Variants in LCORL observed in about 807,000 individuals in gnomAD.
LCORL encodes ligand-dependent nuclear receptor corepressor-like protein.
In LCORL, 41 loss-of-function variants were observed where a neutral mutation model predicts 141.8. The ratio of observed to expected loss-of-function variants is 0.29; its 90% CI spans 0.23 to 0.38. The LOEUF is 0.38. LCORL is among the 10% of genes least tolerant of loss of function. The pLI is 1.00. For synonymous variants in LCORL, 618 were observed against 694.1 expected, an observed-to-expected ratio of 0.89 and a Z score of 1.72; for missense variants, 1,759 against 2,035.0, an observed-to-expected ratio of 0.86 and a Z score of 2.61.
At chr4:17,963,640 G>A (rs1358387266) in intron 2 of LCORL, among the ~76,000 whole-genome samples, 1 of 138,614 alleles carries the variant, frequency 7.2e-6, no homozygotes, top group Non-Finnish European at 1.5e-5. Flanking sequence ...ATAAAACATA[G>A]ATTTTTTTTT....
chr4:17,864,908 G>T (rs184336242), intron 7 of LCORL, among the ~76,000 whole-genome samples: 1 of 152,144 alleles, frequency 6.6e-6, no homozygotes, highest in East Asian at 1.9e-4. Flanking sequence ...TTAAAGAGGA[G>T]GTTAATTTCA....
intron 4 of LCORL, among the ~76,000 whole-genome samples, chr4:17,933,424 C>T (rs987003408): frequency 5.3e-5 from 8 of 152,022 alleles, no homozygotes; most frequent in African/African-American, 1.7e-4. Flanking sequence ...ATAGCTTTCT[C>T]CAAAGACTCT....
chr4:17,889,499 T>C (rs114083033), intron 5 of LCORL, among the ~76,000 whole-genome samples: 261 of 152,238 alleles, frequency 1.7e-3, no homozygotes, highest in African/African-American at 6.0e-3. Context: ...TATGTAATAG[T>C]TGCAATACCA....
In LCORL at chr4:17,848,375, C is replaced by T. The variant is rs549845614; in HGVS notation, c.5603-2474G>A. Among the ~76,000 whole-genome samples the T allele has an allele frequency of 7.2e-5, 11 of 152,276 alleles. No individual in the cohort carries two copies. In the East Asian group the frequency reaches 1.7e-3, roughly 24 times the overall value. ...TCTAGATGTTTGCTTTTTGAGACAGCGTCTTGCTCTGTGGCCCAGGTTGGA... is the reference window on the plus strand; with the variant it reads ...TCTAGATGTTTGCTTTTTGAGACAGTGTCTTGCTCTGTGGCCCAGGTTGGA... On this transcript the variant is annotated intron_variant, in intron 7 of 7. Transcript: ENST00000635767.
At chr4:17,943,595 G>A (rs1347542059) in intron 4 of LCORL, among the ~76,000 whole-genome samples, 1 of 152,148 alleles carries the variant, frequency 6.6e-6, no homozygotes, top group Non-Finnish European at 1.5e-5. Flanking sequence ...TTTCACTTTG[G>A]CTTACTATTT....
chr4:18,016,232 T>C (rs1577747233), intron 1 of LCORL, among the ~76,000 whole-genome samples: 2 of 152,136 alleles, frequency 1.3e-5, no homozygotes, highest in African/African-American at 2.4e-5. Flanking sequence ...TATCAACATA[T>C]ATTAACACAA....
intron 4 of LCORL, among the ~76,000 whole-genome samples, chr4:17,915,039 T>C (rs907096273): frequency 3.3e-5 from 5 of 152,202 alleles, no homozygotes; most frequent in Non-Finnish European, 7.3e-5. Flanking sequence ...TGAACATTGA[T>C]GCTCCTGGTT....
At chr4:17,867,313 G>A (rs763183650) in intron 7 of LCORL, among the ~76,000 whole-genome samples, 14 of 152,132 alleles carry the variant, frequency 9.2e-5, no homozygotes, top group African/African-American at 3.1e-4. Flanking sequence ...GTAGTGATAC[G>A]AACAGAGTCG....
At chr4:17,858,592 G>A (rs955153719) in intron 7 of LCORL, among the ~76,000 whole-genome samples, 2 of 151,716 alleles carry the variant, frequency 1.3e-5, no homozygotes, top group Non-Finnish European at 1.5e-5. Context: ...GCCAGGCATG[G>A]TGGGGCATGC....
At chr4:17,901,876 T>C (rs1730938461) in intron 5 of LCORL, among the ~76,000 whole-genome samples, 1 of 152,076 alleles carries the variant, frequency 6.6e-6, no homozygotes, top group South Asian at 2.1e-4. Flanking sequence ...TAGGATATTA[T>C]ATAAAAATAC....
chr4:17,941,285 ATATATGCACATATACAC>A (rs2109479493), intron 4 of LCORL, among the ~76,000 whole-genome samples: 1 of 152,246 alleles, frequency 6.6e-6, no homozygotes, highest in Non-Finnish European at 1.5e-5. Flanking sequence ...CTGAGGCACT[ATATATGCACATATACAC>A]TATATGCATA....
chr4:17,998,983 A>ATATATAT (rs1303767734), intron 1 of LCORL, among the ~76,000 whole-genome samples: 6 of 55,196 alleles, frequency 1.1e-4, no homozygotes, highest in East Asian at 3.9e-4. Flanking sequence ...AAAAAAAAAA[A>ATATATAT]AAATATATAT....
chr4:17,846,960 T>G (rs1275864903), intron 7 of LCORL, among the ~76,000 whole-genome samples: 1 of 152,208 alleles, frequency 6.6e-6, no homozygotes, highest in Non-Finnish European at 1.5e-5. Context: ...TCTGTGAAGA[T>G]AAGCACAGTG....
intron 1 of LCORL, among the ~76,000 whole-genome samples, chr4:17,975,386 T>C (rs1250939767): frequency 6.6e-6 from 1 of 152,096 alleles, no homozygotes; most frequent in Non-Finnish European, 1.5e-5. Context: ...AATCTTTCTC[T>C]TTGCTGAATT....
intron 4 of LCORL, among the ~76,000 whole-genome samples, chr4:17,959,570 A>G (rs1273656855): frequency 2.0e-5 from 3 of 152,106 alleles, no homozygotes; most frequent in Non-Finnish European, 2.9e-5. Context: ...TCATTATCCC[A>G]GGTAGTGATA....
chr4:18,004,826 C>A (rs182294693), intron 1 of LCORL, among the ~76,000 whole-genome samples: 1 of 152,184 alleles, frequency 6.6e-6, no homozygotes, highest in African/African-American at 2.4e-5. Context: ...ATGGGGGTAA[C>A]AGACATTGGG....
chr4:17,993,441 G>A (rs1577671066), intron 1 of LCORL, among the ~76,000 whole-genome samples: 1 of 152,050 alleles, frequency 6.6e-6, no homozygotes, highest in South Asian at 2.1e-4. Context: ...CTGACCTCAA[G>A]TGATCCTCCC....
intron 2 of LCORL, among the ~76,000 whole-genome samples, chr4:17,968,075 T>C (rs2724485): frequency 0.69 from 105,195 of 151,882 alleles, 36,860 homozygotes; most frequent in South Asian, 0.8. Context: ...CCAGGCCGGT[T>C]TCAAGCTCCT....
intron 6 of LCORL, chr4:17,882,597 C>T (rs918064784): frequency 1.3e-5 from 13 of 984,464 alleles, no homozygotes; most frequent in Non-Finnish European, 1.6e-5. Context: ...TAAATCTATT[C>T]AAGACCCTGA....
Sources: gnomAD v4.1 joint callset for allele counts (sites outside exome capture counted in the v4.1 genomes callset) on GRCh38, gnomAD v4.1.1 for gene constraint, MANE v1.5 for transcripts, NCBI Gene and HGNC (gene_info 2026-07-23, HGNC 2026-07-21) for gene names.